The following NETO1 variants were observed in gnomAD, a reference collection of about 807,000 sequenced individuals.
The protein encoded by NETO1 is neuropilin and tolloid-like protein 1.
Under a neutral mutation model 61.3 loss-of-function variants are expected in NETO1, and 26 were observed. The ratio of observed to expected loss-of-function variants is 0.42; its 90% CI spans 0.31 to 0.59. The LOEUF (loss-of-function observed/expected upper bound fraction) is 0.59, where lower values mean the gene tolerates loss of function less well. NETO1 is among the 20% of genes least tolerant of loss of function. The pLI, the probability that NETO1 is intolerant of heterozygous loss-of-function variation, is 0.12. For synonymous variants in NETO1, 225 were observed against 225.8 expected (o/e 1.00, Z 0.03); for missense variants, 531 against 662.8 (o/e 0.80, Z 2.18).
chr18:72,806,099 C>G (rs938512983), intron 4 of NETO1, among the ~76,000 whole-genome samples: 1 of 152,086 alleles, frequency 6.6e-6, no homozygotes, highest in Non-Finnish European at 1.5e-5. Context: ...ACATTACCTA[C>G]GACGTCCTTT....
At chr18:72,791,912 T>TA (rs961520908) in intron 6 of NETO1, among the ~76,000 whole-genome samples, 1 of 152,222 alleles carries the variant, frequency 6.6e-6, no homozygotes, top group Non-Finnish European at 1.5e-5. Flanking sequence ...GCTTTTGACT[T>TA]AAAAAAATAT....
At chr18:72,748,443 T>C (rs925517824) in intron 10 of NETO1, 4 of 250,692 alleles carry the variant, frequency 1.6e-5, no homozygotes, top group African/African-American at 4.6e-5. Flanking sequence ...ATGAAACCTT[T>C]TGCATTCAAA....
chr18:72,829,378 A>G (rs1057011936), intron 4 of NETO1, among the ~76,000 whole-genome samples: 5 of 152,174 alleles, frequency 3.3e-5, no homozygotes, highest in African/African-American at 1.2e-4. Flanking sequence ...TTAATTATTA[A>G]CTGTTTTCAG....
At chr18:72,848,161 C>A (rs1358625956) in intron 4 of NETO1, among the ~76,000 whole-genome samples, 1 of 152,156 alleles carries the variant, frequency 6.6e-6, no homozygotes, top group African/African-American at 2.4e-5. Flanking sequence ...TTGATGGCGA[C>A]ATTAATTTCC....
rs191708769 is a variant in NETO1, at chr18:72,773,459, C to T, written c.868+10219G>A. Among the ~76,000 whole-genome samples, 483 of 151,942 alleles carry T rather than the reference C, an allele frequency of 3.2e-3. 1 individual carries two copies. The highest frequency in any genetic ancestry group is 6.8e-3 in the Middle Eastern group (2 of 292). ...TCTCAAGAGGAGGGGATTACATAAG[C>T]GTTCTACACCAAGAGTTGTGATATT... is the stretch of plus-strand genomic sequence containing the variant. On this transcript the variant is annotated intron_variant, in intron 7 of 10. Transcript: ENST00000327305.
At chr18:72,807,815 G>C (rs1350164531) in intron 4 of NETO1, among the ~76,000 whole-genome samples, 1 of 151,832 alleles carries the variant, frequency 6.6e-6, no homozygotes, top group African/African-American at 2.4e-5. Flanking sequence ...AATAAGTTTT[G>C]TTGTTCTTGT....
chr18:72,854,195 T>C (rs2074345971), intron 4 of NETO1, among the ~76,000 whole-genome samples: 1 of 152,134 alleles, frequency 6.6e-6, no homozygotes, highest in Non-Finnish European at 1.5e-5. Flanking sequence ...CTAAAACACT[T>C]TGAGCTCCCC....
At chr18:72,814,318 A>G (rs927376638) in intron 4 of NETO1, among the ~76,000 whole-genome samples, 1 of 152,200 alleles carries the variant, frequency 6.6e-6, no homozygotes, top group Admixed American at 6.5e-5. Flanking sequence ...GGGAATAATG[A>G]CAGCAGATTT....
At chr18:72,812,698 C>G (rs1235040286) in intron 4 of NETO1, among the ~76,000 whole-genome samples, 1 of 152,148 alleles carries the variant, frequency 6.6e-6, no homozygotes, top group African/African-American at 2.4e-5. Flanking sequence ...TCAATCCGGT[C>G]TCTCTAGAAT....
At chr18:72,858,281 C>T (rs1166739424) in intron 4 of NETO1, among the ~76,000 whole-genome samples, 1 of 152,086 alleles carries the variant, frequency 6.6e-6, no homozygotes, top group Non-Finnish European at 1.5e-5. Context: ...TTCTGCAAGA[C>T]CTTGTAAATG....
intron 4 of NETO1, among the ~76,000 whole-genome samples, chr18:72,811,340 A>T (rs1367197987): frequency 1.3e-5 from 2 of 152,234 alleles, no homozygotes; most frequent in African/African-American, 4.8e-5. Flanking sequence ...TTACACAGAC[A>T]GCCTCCTCTC....
chr18:72,747,205 A>C lies in NETO1; in HGVS notation c.*974T>G, dbSNP rs2070449699. On this transcript the variant is annotated 3_prime_UTR_variant, in exon 11 of 11. Transcript: ENST00000327305. ...TTTTTAATCACTCTAATGGAAGAAAACATTTCTCTTAACTCAAATTAGGAA... is the reference window on the plus strand; with the variant it reads ...TTTTTAATCACTCTAATGGAAGAAACCATTTCTCTTAACTCAAATTAGGAA... 1.3e-5 allele frequency: 2 copies of C among 151,974 alleles called. No homozygotes were observed. Among genetic ancestry groups the C allele is most frequent in the Admixed American group, 6.6e-5 (1 of 15,244 alleles). 9.4% of individuals were successfully genotyped at this position (151,974 alleles called of 1,614,324 possible). A position where few individuals can be genotyped will look rare whatever the true frequency, so the allele number is the denominator to read the frequency against.
chr18:72,771,286 C>T (rs79873721), intron 7 of NETO1, among the ~76,000 whole-genome samples: 13,235 of 152,168 alleles, frequency 0.087, 731 homozygotes, highest in Middle Eastern at 0.18. Context: ...ATCCAGCTAA[C>T]GTAAACAAAC....
At chr18:72,749,203 T>C (rs988740820) in intron 9 of NETO1, 115 bp from the exon 10 acceptor site, 3 of 712,906 alleles carry the variant, frequency 4.2e-6, no homozygotes, top group African/African-American at 1.8e-5. Context: ...AATAGACTTA[T>C]GTCAGCATGC....
chr18:72,776,982 G>A (rs759816671), intron 7 of NETO1, among the ~76,000 whole-genome samples: 5 of 152,120 alleles, frequency 3.3e-5, no homozygotes, highest in Non-Finnish European at 5.9e-5. Flanking sequence ...TCGTTCTTAC[G>A]CTGTAAATCT....
At chr18:72,789,210 G>GCACACACACACACACA (rs71166426) in intron 6 of NETO1, among the ~76,000 whole-genome samples, 3 of 141,460 alleles carry the variant, frequency 2.1e-5, no homozygotes, top group Admixed American at 7.1e-5. Flanking sequence ...TAACACACAA[G>GCACACACACACACACA]CACACACACA....
chr18:72,775,214 G>A (rs2071506644), intron 7 of NETO1, among the ~76,000 whole-genome samples: 1 of 152,116 alleles, frequency 6.6e-6, no homozygotes, highest in Non-Finnish European at 1.5e-5. Context: ...ACCCTTTTCA[G>A]TGCCCTTATG....
chr18:72,751,786 G>A (rs1466454032), intron 8 of NETO1, among the ~76,000 whole-genome samples: 1 of 152,214 alleles, frequency 6.6e-6, no homozygotes, highest in Non-Finnish European at 1.5e-5. Context: ...AGAAGAAGCT[G>A]TGCCCAGAAA....
chr18:72,835,296 C>T (rs1568241185), intron 4 of NETO1: 1 of 1,594,072 alleles, frequency 6.3e-7, no homozygotes, highest in Non-Finnish European at 8.6e-7. Context: ...TCTGTAGATC[C>T]TGCTAAGGAG....
Sources: allele counts gnomAD v4.1 joint callset (sites outside exome capture counted in the v4.1 genomes callset), GRCh38; gene constraint gnomAD v4.1.1; transcripts MANE v1.5; gene names NCBI Gene and HGNC (gene_info 2026-07-23, HGNC 2026-07-21).